MYO10: variants seen among roughly 807,000 people sequenced by gnomAD.
MYO10 encodes myosin X.
Under a neutral mutation model 257.3 loss-of-function variants are expected in MYO10, and 133 were observed. The ratio of observed to expected loss-of-function variants is 0.52; its 90% CI spans 0.45 to 0.60. The LOEUF is 0.60. Among genes scored for constraint, MYO10 ranks in the 20% least tolerant of loss-of-function variants. MYO10 has a pLI of 0.00. For synonymous variants in MYO10, 1,104 were observed against 1,028.6 expected, an observed-to-expected ratio of 1.07 and a Z score of -1.40; for missense variants, 2,399 against 2,635.7, an observed-to-expected ratio of 0.91 and a Z score of 1.97.
chr5:16,935,847 G>A lies in MYO10; in HGVS notation c.-39C>T, dbSNP rs535130843. 2.5e-5 allele frequency: 40 copies of A among 1,610,520 alleles called. No individual in the cohort carries two copies. The South Asian group carries it at 2.9e-4, about 12-fold the overall frequency. ...TCCCGGACTCGCCGAGTGCCGCTCC[G>A]ACTCGCGGAAGTCAGCGCCGCCGCG... On this transcript the variant is annotated 5_prime_UTR_variant, in exon 1 of 41. Transcript: ENST00000513610.
At chr5:16,895,087 A>G (rs1308035878) in intron 1 of MYO10, among the ~76,000 whole-genome samples, 1 of 152,244 alleles carries the variant, frequency 6.6e-6, no homozygotes, top group Non-Finnish European at 1.5e-5. Context: ...ACCCTTACCA[A>G]TAAAATGTGG....
rs1481072499 is a variant in MYO10 at position 16,818,296 on chromosome 5, AT to A, written c.121-130del. 6.5e-6 allele frequency: 5 copies of A among 774,218 alleles called. No homozygotes were observed. The African/African-American group carries it at 8.8e-5, about 14-fold the overall frequency. 48.0% of individuals were successfully genotyped at this position (774,218 alleles called of 1,614,324 possible). A position where few individuals can be genotyped will look rare whatever the true frequency, so the allele number is the denominator to read the frequency against. ...AAGATTCTAAATTGGACAATCAAAA[AT>A]ATATCGCAAAAATCTCTTTCATTTT... On this transcript the variant is annotated intron_variant, in intron 2 of 40. Transcript: ENST00000513610.
intron 19 of MYO10, among the ~76,000 whole-genome samples, chr5:16,746,199 T>C (rs969345757): frequency 3.3e-5 from 5 of 152,200 alleles, no homozygotes; most frequent in African/African-American, 1.2e-4. Context: ...ATTTGTAAAC[T>C]GTCACGGTGC....
At chr5:16,791,581 T>A (rs1304382648) in intron 4 of MYO10, among the ~76,000 whole-genome samples, 1 of 130,304 alleles carries the variant, frequency 7.7e-6, no homozygotes, top group East Asian at 2.8e-4. Flanking sequence ...TGCACAATGA[T>A]CTCATTTGAT....
At chr5:16,705,722 C>T (rs902321759) in intron 21 of MYO10, among the ~76,000 whole-genome samples, 2 of 152,066 alleles carry the variant, frequency 1.3e-5, no homozygotes, top group Admixed American at 1.3e-4. Context: ...CTGTGTCCTC[C>T]ATGACATTTG....
In MYO10 at chr5:16,713,532, T is replaced by C. The variant is rs958351011; in HGVS notation, c.1930-2287A>G. On this transcript the variant is annotated intron_variant, in intron 19 of 40. Coordinates refer to ENST00000513610, the MANE Select transcript of MYO10 (RefSeq NM_012334.3). The stretch of plus-strand genomic sequence containing the variant: ...CGGGCTAATTAGTGTGGTGTGGTTG[T>C]AGGATTTGACACAGCCAGGGGAGGG... 7 of 978,742 alleles carry C rather than the reference T, an allele frequency of 7.2e-6. No individual in the cohort carries two copies. In the African/African-American group the frequency reaches 8.8e-5, roughly 12 times the overall value. The allele number at this position is 978,742 out of a possible 1,614,324, so 60.6% of individuals were successfully genotyped here.
chr5:16,792,583 CGG>C (rs35424758), intron 4 of MYO10, among the ~76,000 whole-genome samples: 52,729 of 140,652 alleles, frequency 0.37, 10,594 homozygotes, highest in Non-Finnish European at 0.46. Flanking sequence ...CCCACAGGAG[CGG>C]GGGGCGGGGG....
chr5:16,877,576 G>T, intron 2 of MYO10, 33 bp downstream of exon 2: 1 of 1,545,770 alleles, frequency 6.5e-7, no homozygotes, highest in Non-Finnish European at 8.9e-7. Flanking sequence ...AGCAGACCAT[G>T]GATGTTGGGA....
intron 19 of MYO10, chr5:16,713,224 T>A (rs1354457461): frequency 1.3e-6 from 1 of 786,992 alleles, no homozygotes; most frequent in Non-Finnish European, 1.5e-6. Context: ...TCCCAGTCTC[T>A]ATAGAACAAA....
At chr5:16,681,536 C>A in intron 31 of MYO10, 33 bp from the exon 32 acceptor site, 2 of 1,563,218 alleles carry the variant, frequency 1.3e-6, no homozygotes, top group Non-Finnish European at 1.7e-6. Context: ...AAATTAAAAT[C>A]TGTGAGGAGA....
At chr5:16,860,322 G>A (rs1382442404) in intron 2 of MYO10, among the ~76,000 whole-genome samples, 1 of 152,152 alleles carries the variant, frequency 6.6e-6, no homozygotes, top group Non-Finnish European at 1.5e-5. Flanking sequence ...AAAGTTTGGG[G>A]TAGGGGACAC....
intron 10 of MYO10, 32 bp downstream of exon 10, chr5:16,769,042 G>A: frequency 3.2e-6 from 5 of 1,576,834 alleles, no homozygotes; most frequent in Non-Finnish European, 4.3e-6. Flanking sequence ...GGGAACAAAG[G>A]GAGCGAGGAG....
chr5:16,716,385 C>T (rs1298579636), intron 19 of MYO10, among the ~76,000 whole-genome samples: 1 of 151,758 alleles, frequency 6.6e-6, no homozygotes, highest in African/African-American at 2.4e-5. Context: ...AACAGGGACA[C>T]CAAGAGCAGG....
rs768432821 is a variant in MYO10, at chr5:16,668,307, A to G, written c.6045T>C (p.Asp2015=). ...PLANTYKIVV[D]ERELLFETSE... ...TGGTTTCAAAGAGCAGCTCCCTCTC[A>G]TCGACCACGATCTTATACGTATTCG... The change falls in exon 40 of 41, where the codon GAT becomes GAC. Residue 2015 remains aspartate (D), a synonymous_variant. Coordinates refer to ENST00000513610, the MANE Select transcript of MYO10 (RefSeq NM_012334.3). 28 of 1,613,260 alleles carry G rather than the reference A, an allele frequency of 1.7e-5. No individual in the cohort carries two copies. The highest frequency in any genetic ancestry group is 2.7e-5 in the African/African-American group (2 of 74,908).
At chr5:16,731,695 C>G (rs1221992043) in intron 19 of MYO10, among the ~76,000 whole-genome samples, 1 of 152,192 alleles carries the variant, frequency 6.6e-6, no homozygotes, top group Non-Finnish European at 1.5e-5. Flanking sequence ...GAATTGGAGA[C>G]AGAGAGGAAA....
intron 1 of MYO10, among the ~76,000 whole-genome samples, chr5:16,895,343 G>A (rs1180418472): frequency 6.6e-6 from 1 of 152,208 alleles, no homozygotes; most frequent in East Asian, 1.9e-4. Flanking sequence ...CCGAGCCCAG[G>A]AGGCTGACGT....
intron 3 of MYO10, among the ~76,000 whole-genome samples, chr5:16,814,304 G>T (rs1016859908): frequency 5.3e-5 from 8 of 152,000 alleles, no homozygotes; most frequent in Admixed American, 5.2e-4. Context: ...ACCACACCCG[G>T]CTAATTTTTT....
chr5:16,713,465 C>CT (rs1738711259), intron 19 of MYO10: 1 of 985,816 alleles, frequency 1.0e-6, no homozygotes, highest in African/African-American at 1.7e-5. Context: ...CATTCCTGTG[C>CT]TTTAAAAAGT....
chr5:16,935,830 T>C lies in MYO10; in HGVS notation c.-22A>G. On this transcript the variant is annotated 5_prime_UTR_variant, in exon 1 of 41. Transcript: ENST00000513610. ...CCATTGTTCCAGCGCAGTCCCGGACTCGCCGAGTGCCGCTCCGACTCGCGG... is the reference window on the plus strand; with the variant it reads ...CCATTGTTCCAGCGCAGTCCCGGACCCGCCGAGTGCCGCTCCGACTCGCGG... 6.2e-7 allele frequency: 1 copy of C among 1,612,332 alleles called. No homozygotes were observed. The highest frequency in any genetic ancestry group is 1.7e-4 in the Middle Eastern group (1 of 6,058).
Sources: allele counts gnomAD v4.1 joint callset (sites outside exome capture counted in the v4.1 genomes callset), GRCh38; gene constraint gnomAD v4.1.1; transcripts MANE v1.5; gene names NCBI Gene and HGNC (gene_info 2026-07-23, HGNC 2026-07-21).